The following TUT7 variants were observed in gnomAD, a reference collection of about 807,000 sequenced individuals.
The protein encoded by TUT7 is terminal uridylyl transferase 7, also known as terminal uridylyltransferase 7.
TUT7 carries 33 observed loss-of-function variants against 165.9 expected under a neutral mutation model. The observed-to-expected ratio is 0.20, with a 90% CI of 0.15 to 0.27. The LOEUF (loss-of-function observed/expected upper bound fraction) is 0.27, where lower values mean the gene tolerates loss of function less well. Among genes scored for constraint, TUT7 ranks in the 10% least tolerant of loss-of-function variants. The pLI, the probability that TUT7 is intolerant of heterozygous loss-of-function variation, is 1.00. For synonymous variants in TUT7, 552 were observed against 608.1 expected (o/e 0.91, Z 1.36); for missense variants, 1,338 against 1,762.3 (o/e 0.76, Z 4.31).
chr9:86,297,645 TAGTG>T (rs1375336304), intron 26 of TUT7, among the ~76,000 whole-genome samples: 1 of 152,124 alleles, frequency 6.6e-6, no homozygotes. Flanking sequence ...CTGGGCAACA[TAGTG>T]AGACCACATC....
At chr9:86,351,694 G>A (rs1832316778) in intron 2 of TUT7, among the ~76,000 whole-genome samples, 1 of 152,114 alleles carries the variant, frequency 6.6e-6, no homozygotes, top group African/African-American at 2.4e-5. Flanking sequence ...GAAGAGAAAA[G>A]GCATCGGGTG....
At chr9:86,308,924 C>G (rs936180313) in intron 21 of TUT7, among the ~76,000 whole-genome samples, 1 of 152,098 alleles carries the variant, frequency 6.6e-6, no homozygotes, top group African/African-American at 2.4e-5. Flanking sequence ...TCTTTCTAAA[C>G]TCTGGGTACA....
At chr9:86,353,664 T>C (rs988155297) in intron 1 of TUT7, among the ~76,000 whole-genome samples, 3 of 152,220 alleles carry the variant, frequency 2.0e-5, no homozygotes, top group Admixed American at 6.5e-5. Context: ...GTAAGTGTTA[T>C]ACACCGAAAC....
chr9:86,314,074 G>A (rs1828483391), intron 17 of TUT7, among the ~76,000 whole-genome samples: 1 of 152,210 alleles, frequency 6.6e-6, no homozygotes, highest in African/African-American at 2.4e-5. Context: ...CTTTAGAGAT[G>A]AGGAACTGAG....
Position 86,309,414 on chromosome 9 carries a change from A to C in TUT7, c.3582+49T>G, listed in dbSNP as rs1161054590. 2.6e-6 allele frequency: 4 copies of C among 1,529,584 alleles called. No homozygotes were observed. The East Asian group carries it at 9.0e-5, about 34-fold the overall frequency. 94.8% of individuals were successfully genotyped at this position (1,529,584 alleles called of 1,614,324 possible). On this transcript the variant is annotated intron_variant, in intron 20 of 26. Transcript: ENST00000375963. Reference sequence around the variant, plus strand: ...GAATTTTAGAGGAGGAGAAAGGCTCAGAGATCACCAGTTTTCCAGATAAGA... The same window carrying C: ...GAATTTTAGAGGAGGAGAAAGGCTCCGAGATCACCAGTTTTCCAGATAAGA...
At chr9:86,322,502 A>G in intron 13 of TUT7, 27 bp from the exon 14 acceptor site, 1 of 1,590,702 alleles carries the variant, frequency 6.3e-7, no homozygotes, top group Non-Finnish European at 8.5e-7. Flanking sequence ...AAGCAAAACA[A>G]GACTTAACAC....
chr9:86,326,811 C>T (rs529365696), intron 11 of TUT7, among the ~76,000 whole-genome samples: 1 of 152,212 alleles, frequency 6.6e-6, no homozygotes, highest in African/African-American at 2.4e-5. Flanking sequence ...ATATGCAACC[C>T]CATAATGTCT....
intron 26 of TUT7, among the ~76,000 whole-genome samples, chr9:86,294,878 G>A (rs1826180589): frequency 6.6e-6 from 1 of 150,828 alleles, no homozygotes; most frequent in African/African-American, 2.4e-5. Flanking sequence ...AAAAAAAAAA[G>A]TAATTTTTAA....
intron 26 of TUT7, among the ~76,000 whole-genome samples, chr9:86,289,056 ATTCAGTATC>A (rs769446396): frequency 1.0e-3 from 155 of 152,344 alleles, no homozygotes; most frequent in Non-Finnish European, 2.0e-3. Flanking sequence ...GCCTTGTATA[ATTCAGTATC>A]TTCATTTGCA....
At chr9:86,341,827 C>T (rs1831352712) in intron 6 of TUT7, among the ~76,000 whole-genome samples, 1 of 152,118 alleles carries the variant, frequency 6.6e-6, no homozygotes, top group Admixed American at 6.5e-5. Context: ...TGTATCTCTG[C>T]CCAGACCTTG....
At chr9:86,343,020 TAAGA>T in intron 6 of TUT7, 51 bp downstream of exon 6, 1 of 1,158,994 alleles carries the variant, frequency 8.6e-7, no homozygotes, top group Non-Finnish European at 1.3e-6. Context: ...TTTACATTTG[TAAGA>T]AAGAATTTCC....
intron 2 of TUT7, among the ~76,000 whole-genome samples, chr9:86,348,582 A>G (rs572341585): frequency 6.6e-6 from 1 of 152,120 alleles, no homozygotes; most frequent in East Asian, 1.9e-4. Context: ...GTGAGATGTC[A>G]TCTCTAGCAA....
intron 17 of TUT7, among the ~76,000 whole-genome samples, chr9:86,314,810 T>A (rs1394346682): frequency 2.0e-5 from 3 of 152,238 alleles, no homozygotes; most frequent in African/African-American, 7.2e-5. Flanking sequence ...TATCTCCTAG[T>A]ATTTCCCATT....
intron 14 of TUT7, among the ~76,000 whole-genome samples, chr9:86,320,895 TAACAGGCC>T (rs1292064628): frequency 3.9e-5 from 6 of 152,208 alleles, no homozygotes; most frequent in African/African-American, 1.4e-4. Context: ...TCCTGGCTTA[TAACAGGCC>T]ATGCATTTTT....
At chr9:86,312,488 TG>T (rs1433946328) in intron 17 of TUT7, among the ~76,000 whole-genome samples, 2 of 144,986 alleles carry the variant, frequency 1.4e-5, no homozygotes, top group African/African-American at 2.6e-5. Flanking sequence ...GGGAGGGAGG[TG>T]GGGGGGTCAG....
chr9:86,330,022 T>C (rs529682291), intron 10 of TUT7, among the ~76,000 whole-genome samples: 1 of 152,308 alleles, frequency 6.6e-6, no homozygotes, highest in South Asian at 2.1e-4. Context: ...CAATTGGATG[T>C]ATAAATTCGA....
chr9:86,310,211 G>C (rs753611186), intron 18 of TUT7, among the ~76,000 whole-genome samples, 194 bp from the exon 19 acceptor site: 1 of 151,954 alleles, frequency 6.6e-6, no homozygotes, highest in Admixed American at 6.6e-5. Flanking sequence ...GAGCCACCAT[G>C]CGAGCCTAGA....
intron 2 of TUT7, 116 bp downstream of exon 2, chr9:86,352,559 TAAAAC>T: frequency 8.3e-7 from 1 of 1,209,106 alleles, no homozygotes. Context: ...GACCATTTCT[TAAAAC>T]AGAAACTGTG....
intron 26 of TUT7, chr9:86,298,978 G>A (rs908662626): frequency 9.5e-6 from 2 of 211,462 alleles, no homozygotes; most frequent in African/African-American, 4.7e-5. Context: ...ACCATGGGCA[G>A]GAGTTCTGAA....
Sources: allele counts gnomAD v4.1 joint callset (sites outside exome capture counted in the v4.1 genomes callset), GRCh38; gene constraint gnomAD v4.1.1; transcripts MANE v1.5; gene names NCBI Gene and HGNC (gene_info 2026-07-23, HGNC 2026-07-21).